The following DRC7 variants were observed in gnomAD, a reference collection of about 807,000 sequenced individuals.
DRC7 encodes dynein regulatory complex subunit 7, also known as coiled-coil domain containing 135.
A neutral mutation model predicts 104.4 loss-of-function variants in DRC7; 80 were observed. The observed-to-expected ratio is 0.77, with a 90% CI of 0.64 to 0.92. DRC7 has a LOEUF of 0.92. DRC7 is among the 40% of genes least tolerant of loss of function. The pLI, the probability that DRC7 is intolerant of heterozygous loss-of-function variation, is 0.00. For synonymous variants in DRC7, 405 were observed against 447.3 expected (o/e 0.91, Z 1.19); for missense variants, 1,034 against 1,141.1 (o/e 0.91, Z 1.35).
At chr16:57,730,448 T>C (rs555650600) in intron 17 of DRC7, among the ~76,000 whole-genome samples, 1 of 151,896 alleles carries the variant, frequency 6.6e-6, no homozygotes, top group African/African-American at 2.4e-5. Context: ...GGCAGAGGAA[T>C]AGATGGGCAG....
intron 8 of DRC7, among the ~76,000 whole-genome samples, chr16:57,709,135 A>G (rs2048765602): frequency 6.6e-6 from 1 of 151,722 alleles, no homozygotes; most frequent in Non-Finnish European, 1.5e-5. Flanking sequence ...TCTCAAAAAA[A>G]AAAAAAAAAA....
At position 57,700,164 on chromosome 16, in the gene DRC7, T is replaced by C; in HGVS notation, c.398T>C (p.Leu133Pro). Residue 133 changes from leucine (L) to proline (P), a missense_variant, in exon 5 of 19, where the codon CTC (leucine) becomes CCC (proline). By Grantham distance (98) the Leu-to-Pro change is moderately conservative. Transcript: ENST00000360716. ...CEVPKFVSTT[L>P]RPTLMPYPEL... ...TTGCAGAAGTTCGTGAGCACAACCC[T>C]CCGGCCCACACTGATGCCCTACCCC... The C allele has an allele frequency of 1.2e-6, 2 of 1,613,956 alleles. No homozygotes were observed. Among genetic ancestry groups the C allele is most frequent in the Non-Finnish European group, 1.7e-6 (2 of 1,179,896 alleles).
At chr16:57,726,467 A>G in intron 14 of DRC7, 184 bp downstream of exon 14, 1 of 615,450 alleles carries the variant, frequency 1.6e-6, no homozygotes, top group Non-Finnish European at 2.9e-6. Flanking sequence ...GCTCCTCTGA[A>G]AATCTTCCTT....
In DRC7 at chr16:57,710,724, T is replaced by C. The variant is rs111834659; in HGVS notation, c.1077+3046T>C. On this transcript the variant is annotated intron_variant, in intron 8 of 18. Transcript: ENST00000360716. ...TAGATGCTAGATTTTTGTCAAATAC[T>C]TTTTCTGAGTCTATTGAGATTATTA... is the stretch of plus-strand genomic sequence containing the variant. Among the ~76,000 whole-genome samples, 1,177 of 152,326 alleles carry C rather than the reference T, an allele frequency of 7.7e-3. 17 individuals are homozygous for C. The highest frequency in any genetic ancestry group is 0.026 in the African/African-American group (1,062 of 41,570).
intron 17 of DRC7, 45 bp from the exon 18 acceptor site, chr16:57,730,886 G>A (rs779686372): frequency 1.9e-6 from 3 of 1,604,936 alleles, no homozygotes; most frequent in African/African-American, 1.3e-5. Context: ...CTGGGTGAAG[G>A]TCAGCCTTGT....
rs568602722 is a variant in DRC7 at position 57,731,475 on chromosome 16, A to G, written c.*217A>G. On this transcript the variant is annotated 3_prime_UTR_variant, in exon 19 of 19. Coordinates refer to ENST00000360716, the MANE Select transcript of DRC7 (RefSeq NM_001289162.2). ...TTGCCATTTGTGCCTTGCGCTTCAC[A>G]AGCTCCAGCAGCAGCCTTTCTCTTC... is the stretch of plus-strand genomic sequence containing the variant. 305 of 575,170 alleles carry G rather than the reference A, an allele frequency of 5.3e-4. 1 individual carries two copies. The highest frequency in any genetic ancestry group is 7.9e-4 in the Non-Finnish European group (256 of 323,494). The allele number at this position is 575,170 out of a possible 1,614,324, so 35.6% of individuals were successfully genotyped here.
chr16:57,705,173 T>A, intron 7 of DRC7, 139 bp downstream of exon 7: 1 of 982,524 alleles, frequency 1.0e-6, no homozygotes, highest in Non-Finnish European at 1.5e-6. Context: ...CCCCAACCTC[T>A]ACCTGGCCCT....
Position 57,722,757 on chromosome 16 carries a change from A to G in DRC7, c.1324A>G (p.Lys442Glu). 1.2e-6 allele frequency: 2 copies of G among 1,613,894 alleles called. No homozygotes were observed. Among genetic ancestry groups the G allele is most frequent in the Non-Finnish European group, 8.5e-7 (1 of 1,179,998 alleles). The stretch of plus-strand genomic sequence containing the variant: ...GAACGGGAAGAAGGTGATTCAGTAC[A>G]AGAGGGCAAAGCTGGAGAAGTGGGC... ...CPNGKKVIQY[K>E]RAKLEKWAPY... Residue 442 changes from lysine (K) to glutamate (E), a missense_variant, in exon 11 of 19, where the codon AAG (lysine) becomes GAG (glutamate). By Grantham distance (56) the Lys-to-Glu change is moderately conservative. Coordinates refer to ENST00000360716, the MANE Select transcript of DRC7 (RefSeq NM_001289162.2).
At chr16:57,714,696 G>C (rs1312645181) in intron 8 of DRC7, 1 of 241,526 alleles carries the variant, frequency 4.1e-6, no homozygotes, top group Non-Finnish European at 8.3e-6. Flanking sequence ...ATGAAATGAA[G>C]AGTATGAAGA....
At chr16:57,707,389 G>A in intron 7 of DRC7, 71 bp from the exon 8 acceptor site, 11 of 1,426,100 alleles carry the variant, frequency 7.7e-6, no homozygotes, top group Non-Finnish European at 1.1e-5. Flanking sequence ...CCCAGCCCCA[G>A]GGAGATGTCT....
chr16:57,722,820 AC>A lies in DRC7; in HGVS notation c.1389del (p.Thr464ProfsTer13). ...LNSNGLVSRL[T>X]TYEDLQCTNI... The stretch of plus-strand genomic sequence containing the variant: ...TAGCAATGGCCTTGTGAGCCGCCTC[AC>A]CACCTATGAGGACTTGCAGTGTAAG... On this transcript the variant is annotated frameshift_variant, in exon 11 of 19. Coordinates refer to ENST00000360716, the MANE Select transcript of DRC7 (RefSeq NM_001289162.2). LOFTEE classifies it high-confidence loss of function. 1 of 1,613,820 alleles carries A rather than the reference AC, an allele frequency of 6.2e-7. No individual in the cohort carries two copies. The highest frequency in any genetic ancestry group is 8.5e-7 in the Non-Finnish European group (1 of 1,180,008).
chr16:57,721,524 C>T lies in DRC7; in HGVS notation c.1207-143C>T, dbSNP rs554299647. On this transcript the variant is annotated intron_variant, in intron 9 of 18. Coordinates refer to ENST00000360716, the MANE Select transcript of DRC7 (RefSeq NM_001289162.2). ...ACTCCTCCTTTTCCACATCATGGGTCGTGCTCATGACCTCCAGTTCCCCTG... is the reference window on the plus strand; with the variant it reads ...ACTCCTCCTTTTCCACATCATGGGTTGTGCTCATGACCTCCAGTTCCCCTG... 31 of 645,002 alleles carry T rather than the reference C, an allele frequency of 4.8e-5. No homozygotes were observed. The East Asian group carries it at 6.6e-4, about 14-fold the overall frequency. 40.0% of individuals were successfully genotyped at this position (645,002 alleles called of 1,614,324 possible). A position where few individuals can be genotyped will look rare whatever the true frequency, so the allele number is the denominator to read the frequency against.
At chr16:57,713,410 C>A (rs1216915649) in intron 8 of DRC7, among the ~76,000 whole-genome samples, 1 of 151,980 alleles carries the variant, frequency 6.6e-6, no homozygotes, top group African/African-American at 2.4e-5. Flanking sequence ...ATTTTGAAGC[C>A]CTGCTATTAG....
intron 8 of DRC7, 93 bp downstream of exon 8, chr16:57,707,771 C>T (rs1287046679): frequency 7.7e-6 from 9 of 1,175,188 alleles, no homozygotes; most frequent in East Asian, 2.5e-5. Flanking sequence ...TTGGGGAGAG[C>T]GAGACACCAG....
rs1306875450 is a variant in DRC7, at chr16:57,731,193, CT to C, written c.2561del (p.Leu854ArgfsTer76). 6.2e-7 allele frequency: 1 copy of C among 1,613,864 alleles called. No individual in the cohort carries two copies. The highest frequency in any genetic ancestry group is 1.1e-5 in the South Asian group (1 of 91,088). The part of the protein sequence containing the change: ...RHKELAPLKY[L>X]ALEEKLYKDP... ...CAAGGAACTGGCCCCACTGAAGTAC[CT>C]GGCTCTGGAGGAAAAGCTCTACAAG... On this transcript the variant is annotated frameshift_variant, in exon 19 of 19. Coordinates refer to ENST00000360716, the MANE Select transcript of DRC7 (RefSeq NM_001289162.2). LOFTEE classifies it high-confidence loss of function.
intron 7 of DRC7, among the ~76,000 whole-genome samples, chr16:57,706,659 C>T (rs1284695574): frequency 1.2e-5 from 1 of 82,624 alleles, no homozygotes; most frequent in Admixed American, 1.1e-4. Context: ...TCCATCCTCT[C>T]ACCATCCTCC....
intron 5 of DRC7, chr16:57,701,692 G>T: frequency 2.0e-6 from 1 of 510,384 alleles, no homozygotes; most frequent in East Asian, 3.3e-5. Flanking sequence ...AGTCCAGAAG[G>T]TTTCCCCCTA....
At chr16:57,700,037 A>G (rs1267375549) in intron 4 of DRC7, 108 bp from the exon 5 acceptor site, 5 of 1,331,942 alleles carry the variant, frequency 3.8e-6, no homozygotes, top group Non-Finnish European at 5.1e-6. Flanking sequence ...GGCCTCCTGC[A>G]TTTGCTCAGG....
In DRC7 at chr16:57,723,117, C is replaced by A. The variant is rs761104772; in HGVS notation, c.1524C>A (p.Pro508=). 1 of 1,613,726 alleles carries A rather than the reference C, an allele frequency of 6.2e-7. No homozygotes were observed. The highest frequency in any genetic ancestry group is 8.5e-7 in the Non-Finnish European group (1 of 1,179,976). ...LKTDYFKPGH[P]QALRVHSYKS... is the part of the protein sequence containing the mutation. ...CAGACTACTTCAAGCCTGGCCACCC[C>A]CAGGCTCTGCGCGGTGCGTGGCTCC... The change falls in exon 12 of 19, where the codon CCC becomes CCA. Residue 508 remains proline, a synonymous_variant. Transcript: ENST00000360716.
Sources: gnomAD v4.1 joint callset for allele counts (sites outside exome capture counted in the v4.1 genomes callset) on GRCh38, gnomAD v4.1.1 for gene constraint, MANE v1.5 for transcripts, NCBI Gene and HGNC (gene_info 2026-07-23, HGNC 2026-07-21) for gene names.